OTUD7A: variants seen among roughly 807,000 people sequenced by gnomAD.
OTUD7A encodes OTU deubiquitinase 7A, also known as OTU domain-containing protein 7A.
A neutral mutation model predicts 65.7 loss-of-function variants in OTUD7A; 12 were observed. The ratio of observed to expected loss-of-function variants is 0.18; its 90% CI spans 0.12 to 0.30. The LOEUF (loss-of-function observed/expected upper bound fraction) is 0.30, where lower values mean the gene tolerates loss of function less well. Among genes scored for constraint, OTUD7A ranks in the 10% least tolerant of loss-of-function variants. The pLI, the probability that OTUD7A is intolerant of heterozygous loss-of-function variation, is 1.00. For missense variants in OTUD7A, 1,148 were observed against 1,304.8 expected, an observed-to-expected ratio of 0.88 and a Z score of 1.85; for synonymous variants, 641 against 586.3, an observed-to-expected ratio of 1.09 and a Z score of -1.35.
chr15:31,754,427 C>T (rs896107294), intron 1 of OTUD7A, among the ~76,000 whole-genome samples: 1 of 152,130 alleles, frequency 6.6e-6, no homozygotes, highest in African/African-American at 2.4e-5. Context: ...TCATGAAATC[C>T]TTGCCTAAGC....
chr15:31,865,795 T>C (rs1897861962), intron 1 of OTUD7A, among the ~76,000 whole-genome samples: 1 of 152,032 alleles, frequency 6.6e-6, no homozygotes, highest in Non-Finnish European at 1.5e-5. Flanking sequence ...TTCACACCAA[T>C]CCCCAGCACC....
chr15:31,784,220 G>T lies in OTUD7A; in HGVS notation c.-100+86287C>A, dbSNP rs77972264. ...GATTCCATGTGGCAACTAATTTTAA[G>T]AAACTACTTGTTGTTGAATTCAGAT... On this transcript the variant is annotated intron_variant, in intron 1 of 12. Transcript: ENST00000307050. 3.7e-3 allele frequency among the ~76,000 whole-genome samples: 563 copies of T among 152,294 alleles called. 7 individuals are homozygous for T. The highest frequency in any genetic ancestry group is 0.013 in the African/African-American group (528 of 41,568).
chr15:31,716,825 C>T (rs1236288371), intron 1 of OTUD7A, among the ~76,000 whole-genome samples: 2 of 152,272 alleles, frequency 1.3e-5, no homozygotes, highest in Admixed American at 1.3e-4. Context: ...CTGGCTGAAG[C>T]TGCCCAGAGG....
At chr15:31,570,268 G>C in intron 3 of OTUD7A, 71 bp from the exon 4 acceptor site, 1 of 1,504,480 alleles carries the variant, frequency 6.6e-7, no homozygotes. Flanking sequence ...GAGAAGAACT[G>C]TGACAAGAAG....
Position 31,484,533 on chromosome 15 carries a change from G to T in OTUD7A, c.1563C>A (p.Ala521=), listed in dbSNP as rs1255528395. 1 of 1,611,094 alleles carries T rather than the reference G, an allele frequency of 6.2e-7. No individual in the cohort carries two copies. The highest frequency in any genetic ancestry group is 8.5e-7 in the Non-Finnish European group (1 of 1,179,984). ...TCTTGCTGAAGCTGCCCAGCTTGTT[G>T]GCCACGGAGTCGGCGCGCGTCTTGT... ...EKDKTRADSV[A]NKLGSFSKTL... The change falls in exon 13 of 13, where the codon GCC becomes GCA. Residue 521 remains alanine, a synonymous_variant. Coordinates refer to ENST00000307050, the MANE Select transcript of OTUD7A (RefSeq NM_001382637.1). This position sits in a 1 kb window ranked among gnomAD's most constrained non-coding sequence, Gnocchi z 4.5.
chr15:31,501,883 C>T (rs201736882), intron 9 of OTUD7A, 44 bp from the exon 10 acceptor site: 57 of 1,567,360 alleles, frequency 3.6e-5, no homozygotes, highest in South Asian at 1.6e-4. Context: ...GCAGCCAGCT[C>T]GAGCTGGGAG....
chr15:31,770,883 T>A (rs1469115894), intron 1 of OTUD7A, among the ~76,000 whole-genome samples: 1 of 152,086 alleles, frequency 6.6e-6, no homozygotes, highest in African/African-American at 2.4e-5. Flanking sequence ...TCTCAACAGA[T>A]TAAGAATATA....
At chr15:31,619,945 A>G (rs1890724152) in intron 3 of OTUD7A, among the ~76,000 whole-genome samples, 1 of 152,198 alleles carries the variant, frequency 6.6e-6, no homozygotes, top group Non-Finnish European at 1.5e-5. Context: ...TGTCCCATCA[A>G]TACCTAATTT....
chr15:31,610,757 G>A (rs1456604736), intron 3 of OTUD7A, among the ~76,000 whole-genome samples: 1 of 150,496 alleles, frequency 6.6e-6, no homozygotes, highest in African/African-American at 2.4e-5. Flanking sequence ...AAGTAGCTGG[G>A]ACTACAGGCG....
At chr15:31,766,415 C>T in intron 1 of OTUD7A, 4 of 1,585,790 alleles carry the variant, frequency 2.5e-6, no homozygotes, top group Non-Finnish European at 3.5e-6. Flanking sequence ...GAGGTTGCAG[C>T]AAACTTTGTG....
chr15:31,614,410 G>A (rs1193996749), intron 3 of OTUD7A, among the ~76,000 whole-genome samples: 1 of 152,106 alleles, frequency 6.6e-6, no homozygotes, highest in Non-Finnish European at 1.5e-5. Context: ...TAAGAAAAAT[G>A]CAAGTCTGCA....
chr15:31,727,716 T>G (rs10459623), intron 1 of OTUD7A, among the ~76,000 whole-genome samples: 104,078 of 152,106 alleles, frequency 0.68, 36,255 homozygotes, highest in South Asian at 0.8. Flanking sequence ...CTGTGGGTGT[T>G]TCATTCCCTG....
chr15:31,526,286 T>C (rs2042011835), intron 8 of OTUD7A, 63 bp downstream of exon 8: 4 of 1,420,070 alleles, frequency 2.8e-6, no homozygotes, highest in Non-Finnish European at 3.8e-6. Flanking sequence ...CCCCATGCTG[T>C]GTGTAGCCCT....
chr15:31,639,613 C>T (rs979813711), intron 3 of OTUD7A, among the ~76,000 whole-genome samples: 9 of 151,232 alleles, frequency 6.0e-5, no homozygotes, highest in African/African-American at 2.2e-4. Flanking sequence ...GTGGCTGCAC[C>T]ACTTTCCATT....
At chr15:31,724,462 A>G (rs896702131) in intron 1 of OTUD7A, among the ~76,000 whole-genome samples, 15 of 152,240 alleles carry the variant, frequency 9.9e-5, no homozygotes, top group African/African-American at 1.9e-4. Context: ...ACCAAGTGTT[A>G]CTACACAGTT....
intron 3 of OTUD7A, among the ~76,000 whole-genome samples, chr15:31,634,828 T>C (rs1029379758): frequency 1.3e-5 from 2 of 152,232 alleles, no homozygotes; most frequent in Non-Finnish European, 2.9e-5. Flanking sequence ...TGAAGGTTTC[T>C]ATCGGGCTCT....
intron 1 of OTUD7A, among the ~76,000 whole-genome samples, chr15:31,660,427 G>T (rs1425029469): frequency 6.6e-6 from 1 of 152,226 alleles, no homozygotes; most frequent in East Asian, 1.9e-4. Flanking sequence ...CATCTTCACG[G>T]TTTAGATGAA....
chr15:31,678,023 T>A (rs1003167784), intron 1 of OTUD7A, among the ~76,000 whole-genome samples: 1 of 152,200 alleles, frequency 6.6e-6, no homozygotes, highest in African/African-American at 2.4e-5. Flanking sequence ...ATGAGGAACT[T>A]GTTGGGAACT....
intron 1 of OTUD7A, among the ~76,000 whole-genome samples, chr15:31,796,788 A>G (rs965023192): frequency 7.2e-5 from 11 of 152,192 alleles, no homozygotes; most frequent in African/African-American, 2.4e-4. Flanking sequence ...AGTCTGGAGT[A>G]CAGTGGTGCA....
Sources: gnomAD v4.1 joint callset for allele counts (sites outside exome capture counted in the v4.1 genomes callset) on GRCh38, gnomAD v4.1.1 for gene constraint, Gnocchi (gnomAD v3.1) non-coding constraint, MANE v1.5 for transcripts, NCBI Gene and HGNC (gene_info 2026-07-23, HGNC 2026-07-21) for gene names.